ERCC8: variants seen among roughly 807,000 people sequenced by gnomAD.
ERCC8 encodes the protein ERCC excision repair 8, CSA ubiquitin ligase complex subunit, also known as DNA excision repair protein ERCC-8.
Under a neutral mutation model 54.9 loss-of-function variants are expected in ERCC8, and 52 were observed. The ratio of observed to expected loss-of-function variants is 0.95; its 90% CI spans 0.76 to 1.19. The LOEUF (loss-of-function observed/expected upper bound fraction) is 1.19, where lower values mean the gene tolerates loss of function less well. Among genes scored for constraint, ERCC8 ranks in the 50% most tolerant of loss-of-function variants. The pLI, the probability that ERCC8 is intolerant of heterozygous loss-of-function variation, is 0.00. For synonymous variants in ERCC8, 146 were observed against 157.2 expected, an observed-to-expected ratio of 0.93 and a Z score of 0.53; for missense variants, 514 against 466.1, an observed-to-expected ratio of 1.10 and a Z score of -0.95.
At chr5:60,884,503 G>A (rs1431552444) in intron 11 of ERCC8, among the ~76,000 whole-genome samples, 1 of 140,606 alleles carries the variant, frequency 7.1e-6, no homozygotes, top group Non-Finnish European at 1.5e-5. Flanking sequence ...AAGACTATGT[G>A]TATGTATATG....
intron 11 of ERCC8, among the ~76,000 whole-genome samples, chr5:60,882,373 C>T (rs1579987561): frequency 1.3e-5 from 2 of 152,140 alleles, no homozygotes; most frequent in East Asian, 1.9e-4. Flanking sequence ...GTCAGCTATA[C>T]TCCAAATGTC....
intron 4 of ERCC8, among the ~76,000 whole-genome samples, chr5:60,914,799 A>G (rs1216794765): frequency 6.6e-6 from 1 of 151,404 alleles, no homozygotes; most frequent in Non-Finnish European, 1.5e-5. Context: ...TAAAAAAAAA[A>G]AAAAAAAAAA....
At chr5:60,942,997 G>A (rs1410887004) in intron 1 of ERCC8, among the ~76,000 whole-genome samples, 1 of 152,134 alleles carries the variant, frequency 6.6e-6, no homozygotes, top group Non-Finnish European at 1.5e-5. Context: ...TTTAGGCTGT[G>A]TGGTAGCTCG....
intron 4 of ERCC8, among the ~76,000 whole-genome samples, chr5:60,906,030 G>GA (rs758580431): frequency 1.1e-4 from 17 of 152,098 alleles, no homozygotes; most frequent in Non-Finnish European, 1.9e-4. Context: ...TGTCAGACAT[G>GA]AAAAAATCCT....
chr5:60,898,547 A>G, intron 8 of ERCC8, 147 bp from the exon 9 acceptor site: 1 of 841,548 alleles, frequency 1.2e-6, no homozygotes, highest in South Asian at 1.6e-5. Context: ...CCTTCAGATT[A>G]TTTGAATAGG....
chr5:60,874,606 A>C lies in ERCC8; in HGVS notation c.*9T>G. On this transcript the variant is annotated 3_prime_UTR_variant, in exon 12 of 12. Transcript: ENST00000676185. ...TTCAGCAGAGACAAAAAGGTACTAA[A>C]GATGATATTCATCCTTCTTCATCAC... is the stretch of plus-strand genomic sequence containing the variant. 1.2e-6 allele frequency: 2 copies of C among 1,612,750 alleles called. No individual in the cohort carries two copies. The highest frequency in any genetic ancestry group is 1.7e-6 in the Non-Finnish European group (2 of 1,179,038).
At position 60,903,626 on chromosome 5, in the gene ERCC8, G is replaced by A. The variant is rs201833381; in HGVS notation, c.550+22C>T. 7.2e-5 allele frequency: 116 copies of A among 1,611,746 alleles called. No homozygotes were observed. The highest frequency in any genetic ancestry group is 3.4e-4 in the Middle Eastern group (2 of 5,846). ...GAATCGTTTACTCAAAGTAGTTGCC[G>A]TTTGAAATAAAATAAAAATACCCTG... On this transcript the variant is annotated intron_variant, in intron 6 of 11. Coordinates refer to ENST00000676185, the MANE Select transcript of ERCC8 (RefSeq NM_000082.4).
intron 1 of ERCC8, among the ~76,000 whole-genome samples, chr5:60,933,882 G>A (rs983237740): frequency 2.6e-5 from 4 of 151,998 alleles, no homozygotes; most frequent in Admixed American, 6.6e-5. Flanking sequence ...ATTCCACCCA[G>A]GTCACTGTAA....
Position 60,898,269 on chromosome 5 carries a change from C to T in ERCC8, c.843+7G>A, listed in dbSNP as rs148225528. On this transcript the variant is annotated splice_region_variant and intron_variant, in intron 9 of 11. Transcript: ENST00000676185. The stretch of plus-strand genomic sequence containing the variant: ...TATACCCAAATATATACTTAAAAAT[C>T]TCTTACAAGTGTGTTTTCTCCATTG... The T allele has an allele frequency of 8.7e-5, 141 of 1,612,936 alleles. No homozygotes were observed. The African/African-American group carries it at 1.7e-3, about 20-fold the overall frequency.
rs1233266154 is a variant in ERCC8, at chr5:60,918,283, C to G, written c.381G>C (p.Trp127Cys). The change falls in exon 4 of 12, where the codon TGG (tryptophan) becomes TGC (cysteine). Residue 127 changes from tryptophan to cysteine, a missense_variant. Coordinates refer to ENST00000676185, the MANE Select transcript of ERCC8 (RefSeq NM_000082.4). ...TACTTACTTGTAATGTATTTGTATCCCATACTTTCAGAGTTTTATCAAATG... is the reference window on the plus strand; with the variant it reads ...TACTTACTTGTAATGTATTTGTATCGCATACTTTCAGAGTTTTATCAAATG... ...SSSFDKTLKV[W>C]DTNTLQTADV... 6.3e-7 allele frequency: 1 copy of G among 1,598,530 alleles called. No individual in the cohort carries two copies. The highest frequency in any genetic ancestry group is 2.2e-5 in the East Asian group (1 of 44,780).
rs1314130894 is a variant in ERCC8 at position 60,872,763 on chromosome 5, C to T, written c.*1852G>A. ...TATGGAAGACAGTATGGAGTTTCTG[C>T]AAAAAGTTAAAAATAGAACTACATA... On this transcript the variant is annotated 3_prime_UTR_variant, in exon 12 of 12. Coordinates refer to ENST00000676185, the MANE Select transcript of ERCC8 (RefSeq NM_000082.4). 6.6e-6 allele frequency among the ~76,000 whole-genome samples: 1 copy of T among 152,090 alleles called. No homozygotes were observed.
intron 2 of ERCC8, among the ~76,000 whole-genome samples, chr5:60,925,662 G>A (rs1229569794): frequency 6.6e-6 from 1 of 152,050 alleles, no homozygotes; most frequent in African/African-American, 2.4e-5. Context: ...AGTTGTCAGT[G>A]GTTTGTTCCC....
chr5:60,910,401 C>T (rs1202631593), intron 4 of ERCC8, among the ~76,000 whole-genome samples: 1 of 151,970 alleles, frequency 6.6e-6, no homozygotes, highest in Non-Finnish European at 1.5e-5. Context: ...ATTAGCTAGT[C>T]AATTTTCAAA....
At chr5:60,898,579 C>G (rs1440784817) in intron 8 of ERCC8, among the ~76,000 whole-genome samples, 179 bp from the exon 9 acceptor site, 1 of 150,896 alleles carries the variant, frequency 6.6e-6, no homozygotes, top group African/African-American at 2.4e-5. Context: ...AAATCAGAAC[C>G]ATAAAAATAG....
rs1747865303 is a variant in ERCC8, at chr5:60,871,651, T to G, written c.*2964A>C. Among the ~76,000 whole-genome samples the G allele has an allele frequency of 6.6e-6, 1 of 152,206 alleles. No individual in the cohort carries two copies. Among genetic ancestry groups the G allele is most frequent in the Non-Finnish European group, 1.5e-5 (1 of 68,026 alleles). ...TGGTATTATAATTCCAGGTGACCAC[T>G]ACCTTCCTTTTTAGATTTTTATGTT... On this transcript the variant is annotated 3_prime_UTR_variant, in exon 12 of 12. Transcript: ENST00000676185.
intron 1 of ERCC8, among the ~76,000 whole-genome samples, chr5:60,929,195 A>G (rs1188962328): frequency 6.6e-6 from 1 of 152,230 alleles, no homozygotes. Context: ...TTGTACGAAA[A>G]AAGTTAAATT....
intron 4 of ERCC8, among the ~76,000 whole-genome samples, chr5:60,917,759 C>T (rs1749479529): frequency 6.6e-6 from 1 of 151,938 alleles, no homozygotes; most frequent in Non-Finnish European, 1.5e-5. Context: ...AAGATTAGCA[C>T]TCGGAATGTA....
intron 1 of ERCC8, among the ~76,000 whole-genome samples, chr5:60,935,285 C>CT (rs1402470079): frequency 1.3e-5 from 2 of 151,886 alleles, no homozygotes; most frequent in Non-Finnish European, 2.9e-5. Context: ...TTTTATTTTT[C>CT]TTTTTTGAAG....
chr5:60,930,977 G>C (rs879393462), intron 1 of ERCC8, among the ~76,000 whole-genome samples: 1 of 151,642 alleles, frequency 6.6e-6, no homozygotes, highest in Admixed American at 6.6e-5. Flanking sequence ...GGTGTGGTGG[G>C]GCATGCCTAT....
Sources: gnomAD v4.1 joint callset for allele counts (sites outside exome capture counted in the v4.1 genomes callset) on GRCh38, gnomAD v4.1.1 for gene constraint, MANE v1.5 for transcripts, NCBI Gene and HGNC (gene_info 2026-07-23, HGNC 2026-07-21) for gene names.